Variants in IDUA observed in about 807,000 individuals in gnomAD.
The protein encoded by IDUA is alpha-L-iduronidase, also known as iduronidase alpha-L-.
IDUA carries 65 observed loss-of-function variants against 68.9 expected under a neutral mutation model. The ratio of observed to expected loss-of-function variants is 0.94; its 90% CI spans 0.77 to 1.16. The LOEUF is 1.16. Ranked by LOEUF, IDUA falls within the 50% of genes most tolerant of loss-of-function variation. IDUA has a pLI of 0.00. For synonymous variants in IDUA, 529 were observed against 433.6 expected (o/e 1.22, Z -2.73); for missense variants, 1,046 against 938.0 (o/e 1.12, Z -1.50).
chr4:1,004,122 C>G lies in IDUA; in HGVS notation c.1828+10C>G, dbSNP rs201851203. ...TTTGTGTTCAGCCCAGGTGCGCCCA[C>G]CACCCGCTGCCCTGGACTCGGCCAC... On this transcript the variant is annotated intron_variant, in intron 13 of 13. Coordinates refer to ENST00000514224, the MANE Select transcript of IDUA (RefSeq NM_000203.5). The surrounding 1 kb of genome is among the most constrained non-coding windows in gnomAD (Gnocchi z 5.0). 18 of 1,612,516 alleles carry G rather than the reference C, an allele frequency of 1.1e-5. No homozygotes were observed. The highest frequency in any genetic ancestry group is 1.4e-5 in the Non-Finnish European group (17 of 1,179,426).
chr4:1,001,874 A>G lies in IDUA; in HGVS notation c.785A>G (p.His262Arg), dbSNP rs1031451164. The G allele has an allele frequency of 3.8e-6, 6 of 1,585,712 alleles. No homozygotes were observed. The highest frequency in any genetic ancestry group is 5.1e-6 in the Non-Finnish European group (6 of 1,167,934). ...AGVRLDYISL[H>R]RKGARSSISI... is the part of the protein sequence containing the mutation. ...GTGCGGCTGGACTACATCTCCCTCC[A>G]CAGGAAGGTGCGCCCTGCCCCTCCG... The change falls in exon 6 of 14, where the codon CAC (histidine) becomes CGC (arginine). Residue 262 changes from histidine to arginine, a missense_variant. By Grantham distance (29) the His-to-Arg change is conservative (BLOSUM62 0). Coordinates refer to ENST00000514224, the MANE Select transcript of IDUA (RefSeq NM_000203.5).
intron 2 of IDUA, chr4:989,194 A>G: frequency 6.2e-7 from 1 of 1,605,672 alleles, no homozygotes. Flanking sequence ...TCCCTCACCG[A>G]CCCCCGTCTC....
At chr4:1,001,276 A>G (rs1258839327) in intron 4 of IDUA, 192 bp from the exon 5 acceptor site, 1 of 594,058 alleles carries the variant, frequency 1.7e-6, no homozygotes. Context: ...CCGCACCCCT[A>G]TCACCCAGGC....
chr4:998,068 C>T (rs568843503), intron 2 of IDUA, among the ~76,000 whole-genome samples: 1 of 152,250 alleles, frequency 6.6e-6, no homozygotes, highest in African/African-American at 2.4e-5. Context: ...TAATTCTTAT[C>T]CAAGTGCCTC....
chr4:991,734 CG>C, intron 2 of IDUA: 3 of 1,526,256 alleles, frequency 2.0e-6, no homozygotes, highest in Non-Finnish European at 2.6e-6. Context: ...GGCCGACCTG[CG>C]GCCGAGAAGA....
Position 987,050 on chromosome 4 carries a change from G to A in IDUA, c.-35G>A. 1 of 1,514,490 alleles carries A rather than the reference G, an allele frequency of 6.6e-7. No homozygotes were observed. Among genetic ancestry groups the A allele is most frequent in the Non-Finnish European group, 8.8e-7 (1 of 1,139,194 alleles). 93.8% of individuals were successfully genotyped at this position (1,514,490 alleles called of 1,614,324 possible). A position where few individuals can be genotyped will look rare whatever the true frequency, so the allele number is the denominator to read the frequency against. ...ACCCGGAGGCGGAACCGGCAGTGCA[G>A]CCCGAAGCCCCGCAGTCCCCGAGCA... On this transcript the variant is annotated 5_prime_UTR_variant, in exon 1 of 14. Coordinates refer to ENST00000514224, the MANE Select transcript of IDUA (RefSeq NM_000203.5).
intron 2 of IDUA, chr4:989,271 C>A (rs376909897): frequency 6.2e-7 from 1 of 1,612,610 alleles, no homozygotes; most frequent in African/African-American, 1.3e-5. Flanking sequence ...TGTAGAGTGA[C>A]TGCAGGAAGA....
intron 2 of IDUA, among the ~76,000 whole-genome samples, chr4:998,109 C>T (rs1406625989): frequency 6.6e-6 from 1 of 152,178 alleles, no homozygotes; most frequent in African/African-American, 2.4e-5. Context: ...ACCAGTGTGT[C>T]CTTTGGATGG....
At chr4:997,697 C>G (rs907301882) in intron 2 of IDUA, among the ~76,000 whole-genome samples, 1 of 152,180 alleles carries the variant, frequency 6.6e-6, no homozygotes, top group Non-Finnish European at 1.5e-5. Context: ...TCTCGCCGGC[C>G]CAGTCCCCTC....
At chr4:989,626 T>G (rs1389419076) in intron 2 of IDUA, 1 of 1,599,892 alleles carries the variant, frequency 6.3e-7, no homozygotes, top group Non-Finnish European at 8.5e-7. Flanking sequence ...CACGCTTCGC[T>G]GTAGGTCGTG....
At chr4:993,046 C>G (rs78540844) in intron 2 of IDUA, 1 of 152,126 alleles carries the variant, frequency 6.6e-6, no homozygotes, top group Non-Finnish European at 1.5e-5. Context: ...GGGCACAGAG[C>G]GGGGGTCCTG....
rs200854215 is a variant in IDUA at position 1,003,969 on chromosome 4, G to A, written c.1728-43G>A. ...TGCCCTGCCTGCTCCCACCTTTGAG[G>A]ACTGTCTTGACCCCAGCCTTGTTCT... is the stretch of plus-strand genomic sequence containing the variant. On this transcript the variant is annotated intron_variant, in intron 12 of 13. Coordinates refer to ENST00000514224, the MANE Select transcript of IDUA (RefSeq NM_000203.5). The A allele has an allele frequency of 4.0e-4, 601 of 1,502,282 alleles. 1 individual carries two copies. The highest frequency in any genetic ancestry group is 5.2e-4 in the Non-Finnish European group (556 of 1,079,406). 93.1% of individuals were successfully genotyped at this position (1,502,282 alleles called of 1,614,324 possible).
chr4:995,738 CA>C (rs1714709302), intron 2 of IDUA, among the ~76,000 whole-genome samples: 1 of 152,166 alleles, frequency 6.6e-6, no homozygotes, highest in Non-Finnish European at 1.5e-5. Context: ...CCTGGACACT[CA>C]CCCCACCAAA....
At chr4:1,002,519 G>T (rs1213692873) in intron 8 of IDUA, 34 bp downstream of exon 8, 1 of 1,459,296 alleles carries the variant, frequency 6.9e-7, no homozygotes, top group Non-Finnish European at 9.0e-7. Flanking sequence ...GCCGGCCAGG[G>T]CCCTCCAGGC....
chr4:990,108 C>A, intron 2 of IDUA: 1 of 1,588,248 alleles, frequency 6.3e-7, no homozygotes, highest in Non-Finnish European at 8.6e-7. Flanking sequence ...AGAGCTCCTT[C>A]GCGGCTAGCA....
chr4:999,234 C>A (rs1381748583), intron 2 of IDUA, among the ~76,000 whole-genome samples: 1 of 151,892 alleles, frequency 6.6e-6, no homozygotes, highest in Non-Finnish European at 1.5e-5. Flanking sequence ...AAGAAAAATG[C>A]CCTGGCACTG....
intron 2 of IDUA, chr4:990,283 G>T (rs1360553291): frequency 1.6e-5 from 25 of 1,601,666 alleles, no homozygotes; most frequent in Non-Finnish European, 2.1e-5. Context: ...GGTCACGGAG[G>T]CCCCCATGGC....
Position 1,001,411 on chromosome 4 carries a change from G to A in IDUA, c.494-57G>A, listed in dbSNP as rs899730754. The A allele has an allele frequency of 7.0e-6, 10 of 1,430,526 alleles. No homozygotes were observed. The highest frequency in any genetic ancestry group is 2.3e-5 in the East Asian group (1 of 43,984). The allele number at this position is 1,430,526 out of a possible 1,614,324, so 88.6% of individuals were successfully genotyped here. On this transcript the variant is annotated intron_variant, in intron 4 of 13. Transcript: ENST00000514224. ...TCATCACCTTGCACCCTCCCTCCGT[G>A]GGAGTCACTGAGGCGAGATTCACCT...
rs548878643 is a variant in IDUA, at chr4:1,003,539, C to T, written c.1651-10C>T. The T allele has an allele frequency of 1.7e-4, 272 of 1,611,068 alleles. 1 individual carries two copies. In the South Asian group the frequency reaches 2.9e-3, roughly 17 times the overall value. On this transcript the variant is annotated splice_polypyrimidine_tract_variant and intron_variant, in intron 11 of 13. Coordinates refer to ENST00000514224, the MANE Select transcript of IDUA (RefSeq NM_000203.5). ...TTCCCCGACGCCATCACAGCCCTTCCCTCCCCCAGGTCACGCGGCTCCGCG... is the reference window on the plus strand; with the variant it reads ...TTCCCCGACGCCATCACAGCCCTTCTCTCCCCCAGGTCACGCGGCTCCGCG...
Sources: gnomAD v4.1 joint callset for allele counts (sites outside exome capture counted in the v4.1 genomes callset) on GRCh38, gnomAD v4.1.1 for gene constraint, Gnocchi (gnomAD v3.1) non-coding constraint, MANE v1.5 for transcripts, NCBI Gene and HGNC (gene_info 2026-07-23, HGNC 2026-07-21) for gene names.